Variants in MGAM observed in about 807,000 individuals in gnomAD.
The protein encoded by MGAM is maltase-glucoamylase, also known as alpha-1,4-glucosidase.
A neutral mutation model predicts 358.8 loss-of-function variants in MGAM; 253 were observed. That is an observed-to-expected ratio of 0.71 (90% CI 0.64 to 0.78). The LOEUF (loss-of-function observed/expected upper bound fraction) is 0.78. Ranked by LOEUF, MGAM falls within the 30% of genes least tolerant of loss-of-function variation. The pLI is 0.00. For missense variants in MGAM, 3,080 were observed against 3,432.6 expected, an observed-to-expected ratio of 0.90 and a Z score of 2.57; for synonymous variants, 1,105 against 1,227.1, an observed-to-expected ratio of 0.90 and a Z score of 2.08.
chr7:142,058,142 A>T (rs1209513740), intron 30 of MGAM, 61 bp from the exon 31 acceptor site: 4 of 1,608,218 alleles, frequency 2.5e-6, no homozygotes, highest in Non-Finnish European at 3.4e-6. Flanking sequence ...TTATTACTTG[A>T]TGTAAAACTT....
chr7:142,000,528 G>A (rs1162286437), intron 1 of MGAM, among the ~76,000 whole-genome samples: 1 of 152,112 alleles, frequency 6.6e-6, no homozygotes, highest in Admixed American at 6.5e-5. Context: ...AGAGGGTGAG[G>A]TGGTGGGGAC....
At chr7:142,064,630 T>C in intron 37 of MGAM, 108 bp downstream of exon 37, 1 of 1,397,654 alleles carries the variant, frequency 7.2e-7, no homozygotes, top group Non-Finnish European at 9.6e-7. Flanking sequence ...ATTAAGAAGA[T>C]TCTCATAACT....
chr7:142,067,428 G>A lies in MGAM; in HGVS notation c.5004+3G>A, dbSNP rs527528262. The A allele has an allele frequency of 3.2e-6, 5 of 1,550,972 alleles. No homozygotes were observed. The African/African-American group carries it at 6.7e-5, about 21-fold the overall frequency. On this transcript the variant is annotated splice_donor_region_variant and intron_variant, in intron 42 of 70. Coordinates refer to ENST00000475668, the MANE Select transcript of MGAM (RefSeq NM_001365693.1). ...TGGTCAGCCCTGTCCTGGAGCGCGT[G>A]AGTATGGAGGCCTCCGATGAGGGGA...
chr7:141,987,255 T>C (rs1163213058), intron 2 of MGAM, among the ~76,000 whole-genome samples: 1 of 152,216 alleles, frequency 6.6e-6, no homozygotes, highest in Non-Finnish European at 1.5e-5. Context: ...ATGAAAAGAA[T>C]ACTGGCAGTT....
intron 7 of MGAM, among the ~76,000 whole-genome samples, chr7:142,024,569 T>G (rs1806779295): frequency 6.6e-6 from 1 of 152,234 alleles, no homozygotes; most frequent in South Asian, 2.1e-4. Flanking sequence ...CCATGTCTGC[T>G]TCTACCTCTA....
intron 12 of MGAM, 91 bp from the exon 13 acceptor site, chr7:142,031,589 G>A: frequency 2.4e-6 from 2 of 848,112 alleles, no homozygotes; most frequent in South Asian, 1.7e-5. Flanking sequence ...CGGTTGCTGT[G>A]ATCATATTAG....
rs899678541 is a variant in MGAM, at chr7:142,067,012, A to T, written c.4919+291A>T. 3.4e-5 allele frequency among the ~76,000 whole-genome samples: 5 copies of T among 146,556 alleles called. 2 individuals carry two copies. The highest frequency in any genetic ancestry group is 7.7e-5 in the Non-Finnish European group (5 of 64,724). Reference sequence around the variant, plus strand: ...GCCTATCTTATGTAGCAGTTTTGTTATATGGACCCAGGTCACAAAAGAAGG... The same window carrying T: ...GCCTATCTTATGTAGCAGTTTTGTTTTATGGACCCAGGTCACAAAAGAAGG... On this transcript the variant is annotated intron_variant, in intron 41 of 70. Transcript: ENST00000475668.
intron 3 of MGAM, among the ~76,000 whole-genome samples, chr7:142,015,999 C>T (rs1554455956): frequency 6.6e-6 from 1 of 151,998 alleles, no homozygotes; most frequent in African/African-American, 2.4e-5. Context: ...GGTTATTATT[C>T]GTTTAATATG....
chr7:142,053,270 G>A (rs574528614), intron 26 of MGAM, among the ~76,000 whole-genome samples: 1 of 152,204 alleles, frequency 6.6e-6, no homozygotes, highest in Non-Finnish European at 1.5e-5. Flanking sequence ...GAGGGATTAG[G>A]TTTGGACTAG....
chr7:142,093,412 A>G lies in MGAM; in HGVS notation c.7034A>G (p.Tyr2345Cys), dbSNP rs776919923. ...CACCTCACCAGTTCTTCCTCCTCAGATTTGGAGTCCAGGGACAGGGGCCTG... is the reference window on the plus strand; with the variant it reads ...CACCTCACCAGTTCTTCCTCCTCAGGTTTGGAGTCCAGGGACAGGGGCCTG... ...ASLNHPPYMP[Y>C]LESRDRGLSS... Residue 2345 changes from tyrosine (Y) to cysteine (C), a missense_variant and splice_region_variant, in exon 60 of 71, where the codon TAT becomes TGT. Coordinates refer to ENST00000475668, the MANE Select transcript of MGAM (RefSeq NM_001365693.1). 5.9e-6 allele frequency: 9 copies of G among 1,535,844 alleles called. 1 individual carries two copies. The highest frequency in any genetic ancestry group is 2.7e-5 in the African/African-American group (2 of 74,258).
chr7:142,064,487 C>T lies in MGAM; in HGVS notation c.4449C>T (p.Asn1483=), dbSNP rs1251341854. ...TGGTGCAGCACTACAACGTGCACAACCTGTATGGGTGGTCCCAGACCAGAC... is the reference window on the plus strand; with the variant it reads ...TGGTGCAGCACTACAACGTGCACAATCTGTATGGGTGGTCCCAGACCAGAC... The part of the protein sequence containing the change: ...GSLVQHYNVH[N]LYGWSQTRPT... Residue 1483 remains asparagine, a synonymous_variant, in exon 37 of 71, where the codon AAC becomes AAT. Coordinates refer to ENST00000475668, the MANE Select transcript of MGAM (RefSeq NM_001365693.1). 6.3e-7 allele frequency: 1 copy of T among 1,582,128 alleles called. No homozygotes were observed. The highest frequency in any genetic ancestry group is 2.3e-5 in the East Asian group (1 of 43,172).
chr7:141,996,865 A>C (rs1327111699), intron 1 of MGAM, among the ~76,000 whole-genome samples: 3 of 152,122 alleles, frequency 2.0e-5, no homozygotes, highest in Non-Finnish European at 4.4e-5. Context: ...GGAGGTCATA[A>C]AGAGAAAGGT....
In MGAM at chr7:142,068,338, A is replaced by G. The variant is rs187287674; in HGVS notation, c.5005-309A>G. 1.7e-4 allele frequency among the ~76,000 whole-genome samples: 24 copies of G among 143,492 alleles called. No individual in the cohort carries two copies. The East Asian group carries it at 4.6e-3, about 27-fold the overall frequency. 94.1% of individuals were successfully genotyped at this position (143,492 alleles called of 152,430 possible). ...CCCACAAAATTTTCTTCTGCCCCAG[A>G]CACAACCTCCCTTGTTTGTCTCTTT... On this transcript the variant is annotated intron_variant, in intron 42 of 70. Transcript: ENST00000475668.
rs376565637 is a variant in MGAM, at chr7:142,052,959, A to G, written c.3134A>G (p.His1045Arg). The change falls in exon 26 of 71, where the codon CAT (histidine) becomes CGT (arginine). Residue 1045 changes from histidine (H) to arginine (R), a missense_variant. Physicochemically the swap from His to Arg is conservative, Grantham distance 29. Around this residue, in one of 5 missense-constraint regions of MGAM, gnomAD observed 1,816 missense variants for 1,840.5 expected, o/e 0.99. Coordinates refer to ENST00000475668, the MANE Select transcript of MGAM (RefSeq NM_001365693.1). Reference protein sequence around the residue: ...VNPLRLDVTYHKNEMLQFKIY... With the variant: ...VNPLRLDVTYRKNEMLQFKIY... ...CCCCTTCGCCTGGATGTCACTTACC[A>G]TAAGAATGAAATGCTGCAGTTCAAG... The G allele has an allele frequency of 1.9e-5, 31 of 1,613,736 alleles. No homozygotes were observed. Among genetic ancestry groups the G allele is most frequent in the Non-Finnish European group, 2.5e-5 (29 of 1,179,824 alleles).
At position 142,076,686 on chromosome 7, in the gene MGAM, T is replaced by C. The variant is rs144116291; in HGVS notation, c.5353T>C (p.Ser1785Pro). The C allele has an allele frequency of 6.3e-4, 972 of 1,550,066 alleles. 37 individuals carry two copies. In the African/African-American group the frequency reaches 0.011, roughly 18 times the overall value. Reference protein sequence around the residue: ...QNHLEVTISQSTYKDPNNLAF... With the variant: ...QNHLEVTISQPTYKDPNNLAF... ...CCACTTGGAGGTGACTATTTCACAA[T>C]CAACCTACAAGGACCCCAATAATTT... Residue 1785 changes from serine (S) to proline (P), a missense_variant, in exon 47 of 71, where the codon TCA becomes CCA. By Grantham distance (74) the Ser-to-Pro change is moderately conservative. Around this residue, in one of 5 missense-constraint regions of MGAM, gnomAD observed 932 missense variants for 1,198.2 expected, o/e 0.78. Coordinates refer to ENST00000475668, the MANE Select transcript of MGAM (RefSeq NM_001365693.1).
intron 4 of MGAM, 66 bp from the exon 5 acceptor site, chr7:142,020,908 T>G: frequency 8.7e-7 from 1 of 1,143,866 alleles, no homozygotes; most frequent in South Asian, 1.3e-5. Flanking sequence ...ATCATAATTT[T>G]TATGTAGCTA....
chr7:142,043,054 TA>T (rs1809254344), intron 21 of MGAM, among the ~76,000 whole-genome samples: 1 of 76,660 alleles, frequency 1.3e-5, no homozygotes, highest in East Asian at 3.4e-4. Flanking sequence ...ATAATATCTA[TA>T]TTATATATAC....
intron 21 of MGAM, among the ~76,000 whole-genome samples, chr7:142,046,361 T>C (rs1057435222): frequency 5.7e-4 from 86 of 151,932 alleles, no homozygotes; most frequent in African/African-American, 2.0e-3. Flanking sequence ...TTGGTGATCT[T>C]ATTTTTTTTA....
chr7:142,097,262 T>A (rs1196309624), intron 65 of MGAM, among the ~76,000 whole-genome samples: 10 of 152,116 alleles, frequency 6.6e-5, no homozygotes, highest in Non-Finnish European at 1.5e-4. Flanking sequence ...ACCCACAGAA[T>A]TTTTTTCTGC....
Sources: allele counts gnomAD v4.1 joint callset (sites outside exome capture counted in the v4.1 genomes callset), GRCh38; gene constraint gnomAD v4.1.1; regional missense constraint gnomAD v4.1.1; transcripts MANE v1.5; gene names NCBI Gene and HGNC (gene_info 2026-07-23, HGNC 2026-07-21).